CD44: variants seen among roughly 807,000 people sequenced by gnomAD.
CD44 encodes the protein CD44 molecule (IN blood group), also known as CD44 antigen.
A neutral mutation model predicts 88.8 loss-of-function variants in CD44; 49 were observed. The ratio of observed to expected loss-of-function variants is 0.55; its 90% CI spans 0.44 to 0.70. The LOEUF (loss-of-function observed/expected upper bound fraction) is 0.70. Ranked by LOEUF, CD44 falls within the 30% of genes least tolerant of loss-of-function variation. The pLI is 0.00. For synonymous variants in CD44, 325 were observed against 312.3 expected (o/e 1.04, Z -0.43); for missense variants, 883 against 913.8 (o/e 0.97, Z 0.43).
intron 17 of CD44, among the ~76,000 whole-genome samples, chr11:35,225,339 T>C (rs1193446160): frequency 6.6e-6 from 1 of 152,154 alleles, no homozygotes; most frequent in Non-Finnish European, 1.5e-5. Flanking sequence ...TGCCATGCCA[T>C]AAAAGTATGT....
At chr11:35,222,504 C>A in intron 17 of CD44, 1 of 1,166,660 alleles carries the variant, frequency 8.6e-7, no homozygotes, top group Non-Finnish European at 1.1e-6. Context: ...CTCGCTAGAA[C>A]TGACACATGG....
intron 1 of CD44, among the ~76,000 whole-genome samples, chr11:35,145,507 T>C (rs1357247796): frequency 6.6e-6 from 1 of 152,082 alleles, no homozygotes; most frequent in Non-Finnish European, 1.5e-5. Context: ...CTTTGGTGGC[T>C]GCCTGCTGTG....
At chr11:35,177,145 CT>C in intron 2 of CD44, 1 of 159,232 alleles carries the variant, frequency 6.3e-6, no homozygotes, top group East Asian at 1.8e-4. Flanking sequence ...TCAAAGCAGA[CT>C]TTTCAAACTA....
At chr11:35,155,545 A>G (rs573982995) in intron 1 of CD44, among the ~76,000 whole-genome samples, 1 of 152,320 alleles carries the variant, frequency 6.6e-6, no homozygotes, top group African/African-American at 2.4e-5. Context: ...ATACTCAATG[A>G]TAATACCTAA....
intron 3 of CD44, among the ~76,000 whole-genome samples, chr11:35,183,455 G>A (rs1945352435): frequency 6.6e-6 from 1 of 152,092 alleles, no homozygotes; most frequent in Non-Finnish European, 1.5e-5. Context: ...TAAAGATTTT[G>A]ATAAACTGCC....
At chr11:35,193,344 A>G (rs1468995626) in intron 5 of CD44, among the ~76,000 whole-genome samples, 1 of 152,226 alleles carries the variant, frequency 6.6e-6, no homozygotes, top group South Asian at 2.1e-4. Flanking sequence ...GGTGGCCCAC[A>G]GGCTACGGGT....
At chr11:35,221,846 G>A in intron 17 of CD44, 114 bp downstream of exon 17, 12 of 932,640 alleles carry the variant, frequency 1.3e-5, no homozygotes, top group Non-Finnish European at 2.1e-5. Context: ...GGTACCCTGG[G>A]AGTTTGTTGG....
At position 35,149,272 on chromosome 11, in the gene CD44, A is replaced by C. The variant is rs538605939; in HGVS notation, c.67+9902A>C. On this transcript the variant is annotated intron_variant, in intron 1 of 17. Transcript: ENST00000428726. Reference sequence around the variant, plus strand: ...GGTCAATGGTTTGAAAACCTCCCAGACTAAAAATCACCTCCATATAATCAG... The same window carrying C: ...GGTCAATGGTTTGAAAACCTCCCAGCCTAAAAATCACCTCCATATAATCAG... 1.7e-4 allele frequency among the ~76,000 whole-genome samples: 26 copies of C among 152,348 alleles called. No individual in the cohort carries two copies. The South Asian group carries it at 5.2e-3, about 30-fold the overall frequency.
intron 17 of CD44, 83 bp from the exon 18 acceptor site, chr11:35,229,042 CATCA>C: frequency 9.2e-7 from 1 of 1,091,878 alleles, no homozygotes; most frequent in Non-Finnish European, 1.4e-6. Context: ...CCATAGTGAT[CATCA>C]ATGATGGTGC....
intron 10 of CD44, 75 bp from the exon 11 acceptor site, chr11:35,206,037 T>A (rs1415134850): frequency 4.1e-6 from 6 of 1,469,362 alleles, no homozygotes; most frequent in Admixed American, 2.6e-5. Context: ...AAGTCTTTTT[T>A]AAAAATAAAA....
At chr11:35,173,504 G>C (rs1304090214) in intron 1 of CD44, among the ~76,000 whole-genome samples, 1 of 152,158 alleles carries the variant, frequency 6.6e-6, no homozygotes. Context: ...GCTTGAAAAA[G>C]AGTGAACTGC....
intron 1 of CD44, among the ~76,000 whole-genome samples, chr11:35,165,430 A>G (rs1943146501): frequency 6.6e-6 from 1 of 152,134 alleles, no homozygotes; most frequent in South Asian, 2.1e-4. Context: ...CACCTTTTAA[A>G]TGGGTCTGTA....
intron 4 of CD44, among the ~76,000 whole-genome samples, chr11:35,188,268 C>T (rs561083140): frequency 2.6e-5 from 4 of 152,140 alleles, no homozygotes; most frequent in Non-Finnish European, 4.4e-5. Context: ...CTGTGCCTTG[C>T]AATAGGAAGG....
chr11:35,176,745 G>T lies in CD44; in HGVS notation c.233+5G>T, dbSNP rs758352011. The T allele has an allele frequency of 6.2e-7, 1 of 1,613,370 alleles. No individual in the cohort carries two copies. Among genetic ancestry groups the T allele is most frequent in the Non-Finnish European group, 8.5e-7 (1 of 1,179,650 alleles). On this transcript the variant is annotated splice_donor_5th_base_variant and intron_variant, in intron 2 of 17. Coordinates refer to ENST00000428726, the MANE Select transcript of CD44 (RefSeq NM_000610.4). ...CATCGGATTTGAGACCTGCAGGTAA[G>T]AGACCAGCACCCGACCACTGGGGAA...
chr11:35,207,904 C>A (rs1454241103), intron 11 of CD44, among the ~76,000 whole-genome samples: 1 of 152,188 alleles, frequency 6.6e-6, no homozygotes, highest in African/African-American at 2.4e-5. Context: ...TATAACTCGG[C>A]CCTTCAAGGA....
At chr11:35,214,446 T>C (rs1017090642) in intron 14 of CD44, among the ~76,000 whole-genome samples, 5 of 152,232 alleles carry the variant, frequency 3.3e-5, no homozygotes, top group African/African-American at 1.2e-4. Context: ...ATTATGTTTC[T>C]CATAATCCAA....
chr11:35,206,677 G>GC (rs1554971918), intron 11 of CD44, among the ~76,000 whole-genome samples: 90 of 150,802 alleles, frequency 6.0e-4, no homozygotes, highest in Non-Finnish European at 1.0e-3. Flanking sequence ...GGTGGGGGGG[G>GC]CAGTTTTCCT....
At chr11:35,173,795 G>A (rs1944164487) in intron 1 of CD44, among the ~76,000 whole-genome samples, 2 of 152,136 alleles carry the variant, frequency 1.3e-5, no homozygotes, top group Admixed American at 1.3e-4. Flanking sequence ...CAATAATAAT[G>A]ACTCTTTGTC....
At chr11:35,157,815 C>T (rs536490468) in intron 1 of CD44, among the ~76,000 whole-genome samples, 6 of 152,330 alleles carry the variant, frequency 3.9e-5, no homozygotes, top group African/African-American at 1.4e-4. Context: ...AAACATTTTT[C>T]CTCTAGAGAC....
Sources: allele counts gnomAD v4.1 joint callset (sites outside exome capture counted in the v4.1 genomes callset), GRCh38; gene constraint gnomAD v4.1.1; transcripts MANE v1.5; gene names NCBI Gene and HGNC (gene_info 2026-07-23, HGNC 2026-07-21).